The following WNK1 variants were observed in gnomAD, a reference collection of about 807,000 sequenced individuals.
WNK1 encodes serine/threonine-protein kinase WNK1.
A neutral mutation model predicts 222.8 loss-of-function variants in WNK1; 38 were observed. The ratio of observed to expected loss-of-function variants is 0.17; its 90% CI spans 0.13 to 0.22. The LOEUF is 0.22. WNK1 is among the 10% of genes least tolerant of loss of function. WNK1 has a pLI of 1.00. For synonymous variants in WNK1, 1,090 were observed against 1,092.9 expected, an observed-to-expected ratio of 1.00 and a Z score of 0.05; for missense variants, 2,348 against 2,918.4, an observed-to-expected ratio of 0.80 and a Z score of 4.50.
chr12:838,803 T>A (rs727880), intron 4 of WNK1, among the ~76,000 whole-genome samples: 2 of 151,842 alleles, frequency 1.3e-5, no homozygotes, highest in Admixed American at 6.6e-5. Context: ...ATTACTTAAC[T>A]AATTTTTTTT....
rs763377952 is a variant in WNK1 at position 887,294 on chromosome 12, C to T, written c.5354C>T (p.Ser1785Phe). The T allele has an allele frequency of 2.5e-6, 4 of 1,614,082 alleles. No individual in the cohort carries two copies. The African/African-American group carries it at 4.0e-5, about 16-fold the overall frequency. Residue 1785 changes from serine to phenylalanine, a missense_variant, in exon 20 of 28, where the codon TCT becomes TTT. Around this residue, in one of 13 missense-constraint regions of WNK1, gnomAD observed 1,144 missense variants for 1,273.6 expected, o/e 0.90. Transcript: ENST00000315939. ...CAGCTGCCACCTTTTCCAGGACCTT[C>T]TCTAACCCAGGTGCCTCAAGACTTG... is the stretch of plus-strand genomic sequence containing the variant. Reference protein sequence around the residue: ...SEQLPPFPGPSLTQSQQPLED... With the variant: ...SEQLPPFPGPFLTQSQQPLED...
At chr12:812,124 A>G (rs1026337071) in intron 1 of WNK1, among the ~76,000 whole-genome samples, 4 of 152,286 alleles carry the variant, frequency 2.6e-5, no homozygotes, top group Admixed American at 6.5e-5. Context: ...TTTTTACAAT[A>G]AGCTTTTACA....
chr12:846,342 C>A (rs7980163), intron 4 of WNK1, among the ~76,000 whole-genome samples: 114,189 of 152,106 alleles, frequency 0.75, 42,983 homozygotes, highest in East Asian at 0.87. Context: ...TATTTAGCAC[C>A]ACTTTGGTGT....
intron 1 of WNK1, among the ~76,000 whole-genome samples, chr12:794,818 C>T (rs1286111045): frequency 6.6e-6 from 1 of 152,226 alleles, no homozygotes; most frequent in Non-Finnish European, 1.5e-5. Flanking sequence ...GAGGCACAAT[C>T]ATGGCTCACT....
intron 9 of WNK1, among the ~76,000 whole-genome samples, chr12:872,366 C>G (rs555422045): frequency 9.9e-4 from 151 of 152,274 alleles, no homozygotes; most frequent in African/African-American, 3.5e-3. Context: ...CCAGGCTGGT[C>G]TTGAACTCCT....
chr12:806,144 T>C (rs1591786598), intron 1 of WNK1, among the ~76,000 whole-genome samples: 1 of 152,190 alleles, frequency 6.6e-6, no homozygotes, highest in East Asian at 1.9e-4. Flanking sequence ...ACTTACAATA[T>C]GTCGAGCCCT....
chr12:868,999 A>G lies in WNK1; in HGVS notation c.2140-2266A>G. ...TGCCCTTTATCCATCTGCCTCAGAC[A>G]GTGTTACAAGAATCCCCACTTTTCT... On this transcript the variant is annotated intron_variant, in intron 8 of 27. Coordinates refer to ENST00000315939, the MANE Select transcript of WNK1 (RefSeq NM_018979.4). 6.2e-7 allele frequency: 1 copy of G among 1,607,874 alleles called. No homozygotes were observed. Among genetic ancestry groups the G allele is most frequent in the Non-Finnish European group, 8.5e-7 (1 of 1,176,806 alleles).
At position 899,286 on chromosome 12, in the gene WNK1, A is replaced by G. The variant is rs182984891; in HGVS notation, c.6449-1190A>G. Among the ~76,000 whole-genome samples, 4 of 149,756 alleles carry G rather than the reference A, an allele frequency of 2.7e-5. No homozygotes were observed. In the East Asian group the frequency reaches 5.9e-4, roughly 22 times the overall value. ...GAGAAATCAGCTAATTTCTGATCTG[A>G]TCCCAATCAGATCTTTTTTGTTTTT... On this transcript the variant is annotated intron_variant, in intron 25 of 27. Coordinates refer to ENST00000315939, the MANE Select transcript of WNK1 (RefSeq NM_018979.4).
chr12:854,874 C>T (rs1011006035), intron 4 of WNK1, among the ~76,000 whole-genome samples: 1 of 151,980 alleles, frequency 6.6e-6, no homozygotes. Flanking sequence ...GCTAATACAC[C>T]GTGAGTGCTA....
rs190700988 is a variant in WNK1 at position 792,662 on chromosome 12, A to G, written c.760-20980A>G. On this transcript the variant is annotated intron_variant, in intron 1 of 27. Coordinates refer to ENST00000315939, the MANE Select transcript of WNK1 (RefSeq NM_018979.4). ...AAAGCTTACAATGAGGAATACATTTATATTGTTTTGCTTAAGATTAAAGCC... is the reference window on the plus strand; with the variant it reads ...AAAGCTTACAATGAGGAATACATTTGTATTGTTTTGCTTAAGATTAAAGCC... 1.4e-3 allele frequency among the ~76,000 whole-genome samples: 217 copies of G among 152,276 alleles called. 1 individual carries two copies. The highest frequency in any genetic ancestry group is 5.0e-3 in the African/African-American group (209 of 41,566).
chr12:908,382 A>G, intron 27 of WNK1, 93 bp from the exon 28 acceptor site: 2 of 1,313,836 alleles, frequency 1.5e-6, no homozygotes, highest in African/African-American at 1.4e-5. Flanking sequence ...GTTCTGCTGT[A>G]TCTTACAGGA....
intron 2 of WNK1, among the ~76,000 whole-genome samples, chr12:815,080 C>T (rs908015686): frequency 1.3e-4 from 20 of 152,120 alleles, no homozygotes; most frequent in African/African-American, 3.6e-4. Context: ...AGTGAGGGAG[C>T]GGCTGTAAAT....
At chr12:762,062 A>T (rs953391977) in intron 1 of WNK1, among the ~76,000 whole-genome samples, 20 of 122,656 alleles carry the variant, frequency 1.6e-4, no homozygotes, top group Middle Eastern at 4.2e-3. Context: ...TTTTAATTTA[A>T]TTTTTTTTTT....
chr12:906,465 T>G (rs2286029), intron 26 of WNK1: 420,912 of 984,964 alleles, frequency 0.43, 91,147 homozygotes, highest in East Asian at 0.52. Context: ...CGCTTCTACA[T>G]GGGAGTGCTT....
Position 753,351 on chromosome 12 carries a change from C to T in WNK1, c.-215C>T, listed in dbSNP as rs1003943210. 1.6e-6 allele frequency: 1 copy of T among 619,438 alleles called. No individual in the cohort carries two copies. The highest frequency in any genetic ancestry group is 1.9e-5 in the African/African-American group (1 of 52,262). The allele number at this position is 619,438 out of a possible 1,614,324, so 38.4% of individuals were successfully genotyped here. A position where few individuals can be genotyped will look rare whatever the true frequency, so the allele number is the denominator to read the frequency against. On this transcript the variant is annotated 5_prime_UTR_variant, in exon 1 of 28. Coordinates refer to ENST00000315939, the MANE Select transcript of WNK1 (RefSeq NM_018979.4). This position sits in a 1 kb window ranked among gnomAD's most constrained non-coding sequence, Gnocchi z 5.2. Reference sequence around the variant, plus strand: ...CCCGCCTTCGAGCCCTCCTCGTGAGCCGCAGCAGCCTCGGTGCCAGCCCCC... The same window carrying T: ...CCCGCCTTCGAGCCCTCCTCGTGAGTCGCAGCAGCCTCGGTGCCAGCCCCC...
rs867389845 is a variant in WNK1, at chr12:860,932, T to A, written c.1621-81T>A. On this transcript the variant is annotated intron_variant, in intron 6 of 27. Transcript: ENST00000315939. Reference sequence around the variant, plus strand: ...CTCTACTTTTTTTACAATGCCTTTTTTTTTTTTGGCGGGGGGTGGTGGTGG... The same window carrying A: ...CTCTACTTTTTTTACAATGCCTTTTATTTTTTTGGCGGGGGGTGGTGGTGG... 1.7e-4 allele frequency: 233 copies of A among 1,360,850 alleles called. 2 individuals are homozygous for A. The Middle Eastern group carries it at 7.6e-3, about 44-fold the overall frequency. 84.3% of individuals were successfully genotyped at this position (1,360,850 alleles called of 1,614,324 possible).
At position 889,115 on chromosome 12, in the gene WNK1, A is replaced by G. The variant is rs144011499; in HGVS notation, c.5365-25A>G. 35 of 1,605,716 alleles carry G rather than the reference A, an allele frequency of 2.2e-5. No individual in the cohort carries two copies. In the East Asian group the frequency reaches 7.4e-4, roughly 34 times the overall value. On this transcript the variant is annotated intron_variant, in intron 20 of 27. Transcript: ENST00000315939. The stretch of plus-strand genomic sequence containing the variant: ...GACTCTGAAGGTGCCACGGAACTGT[A>G]TTTACTGTGATTGTTTTCATTCAGT...
Position 881,749 on chromosome 12 carries a change from C to G in WNK1, c.3169C>G (p.Gln1057Glu). ...PAEPVAVAQT[Q>E]ATQPTTLASS... ...AGAGCCAGTTGCAGTAGCACAGACCCAAGCTACCCAGCCGACCACTTTGGC... is the reference window on the plus strand; with the variant it reads ...AGAGCCAGTTGCAGTAGCACAGACCGAAGCTACCCAGCCGACCACTTTGGC... The change falls in exon 13 of 28, where the codon CAA becomes GAA. Residue 1057 changes from glutamine to glutamate, a missense_variant. By Grantham distance (29) the Gln-to-Glu change is conservative (BLOSUM62 2). Around this residue, in one of 13 missense-constraint regions of WNK1, gnomAD observed 547 missense variants for 558.3 expected, o/e 0.98. Coordinates refer to ENST00000315939, the MANE Select transcript of WNK1 (RefSeq NM_018979.4). 1.2e-6 allele frequency: 2 copies of G among 1,614,172 alleles called. No individual in the cohort carries two copies. Among genetic ancestry groups the G allele is most frequent in the Non-Finnish European group, 1.7e-6 (2 of 1,180,024 alleles).
intron 1 of WNK1, among the ~76,000 whole-genome samples, chr12:770,798 T>G (rs756379533): frequency 4.6e-5 from 7 of 152,336 alleles, no homozygotes; most frequent in Non-Finnish European, 1.0e-4. Context: ...TTATCTTTTG[T>G]TATTTGCCAG....
Sources: allele counts gnomAD v4.1 joint callset (sites outside exome capture counted in the v4.1 genomes callset), GRCh38; gene constraint gnomAD v4.1.1; regional missense constraint gnomAD v4.1.1; non-coding constraint Gnocchi (gnomAD v3.1); transcripts MANE v1.5; gene names NCBI Gene and HGNC (gene_info 2026-07-23, HGNC 2026-07-21).